MRPL12: variants seen among roughly 807,000 people sequenced by gnomAD.
MRPL12 encodes the protein mitochondrial ribosomal protein L12, also known as large ribosomal subunit protein bL12m.
A neutral mutation model predicts 21.1 loss-of-function variants in MRPL12; 13 were observed. That is an observed-to-expected ratio of 0.62 (90% CI 0.40 to 0.98). The LOEUF (loss-of-function observed/expected upper bound fraction) is 0.98, where lower values mean the gene tolerates loss of function less well. Ranked by LOEUF, MRPL12 falls within the 50% of genes least tolerant of loss-of-function variation. MRPL12 has a pLI of 0.00. For missense variants in MRPL12, 251 were observed against 268.6 expected (o/e 0.93, Z 0.46); for synonymous variants, 126 against 115.3 (o/e 1.09, Z -0.60).
chr17:81,706,922 T>A lies in MRPL12; in HGVS notation c.362T>A (p.Ile121Asn). 3 of 1,613,860 alleles carry A rather than the reference T, an allele frequency of 1.9e-6. No homozygotes were observed. The highest frequency in any genetic ancestry group is 2.5e-6 in the Non-Finnish European group (3 of 1,180,002). Residue 121 changes from isoleucine to asparagine, a missense_variant, in exon 4 of 5, where the codon ATC becomes AAC. By Grantham distance (149) the Ile-to-Asn change is moderately radical (BLOSUM62 -3). Coordinates refer to ENST00000333676, the MANE Select transcript of MRPL12 (RefSeq NM_002949.4). ...CTCCCTAAGGCGGTGGAAGAAGATATCCCCATAGCGAAAGAACGGACACAT... is the reference window on the plus strand; with the variant it reads ...CTCCCTAAGGCGGTGGAAGAAGATAACCCCATAGCGAAAGAACGGACACAT... Reference protein sequence around the residue: ...AAAQEAVEEDIPIAKERTHFT... With the variant: ...AAAQEAVEEDNPIAKERTHFT...
Position 81,707,380 on chromosome 17 carries a change from C to T in MRPL12, c.*140C>T, listed in dbSNP as rs926583352. ...AATTGCCTGCGCCACGCAGCGGGGCCGGACAGGCCGCACAGACCTACTGTG... is the reference window on the plus strand; with the variant it reads ...AATTGCCTGCGCCACGCAGCGGGGCTGGACAGGCCGCACAGACCTACTGTG... On this transcript the variant is annotated 3_prime_UTR_variant, in exon 5 of 5. Transcript: ENST00000333676. The T allele has an allele frequency of 1.7e-5, 14 of 830,122 alleles. No individual in the cohort carries two copies. Among genetic ancestry groups the T allele is most frequent in the Middle Eastern group, 3.7e-4 (1 of 2,698 alleles). The allele number at this position is 830,122 out of a possible 1,614,324, so 51.4% of individuals were successfully genotyped here. A position where few individuals can be genotyped will look rare whatever the true frequency, so the allele number is the denominator to read the frequency against.
At chr17:81,706,687 C>CA (rs1478014218) in intron 3 of MRPL12, among the ~76,000 whole-genome samples, 3 of 152,062 alleles carry the variant, frequency 2.0e-5, no homozygotes, top group South Asian at 4.2e-4. Context: ...GCCTGGATGA[C>CA]AGAGTGAGAC....
chr17:81,705,861 C>T (rs573856078), intron 3 of MRPL12, among the ~76,000 whole-genome samples: 51 of 152,346 alleles, frequency 3.3e-4, no homozygotes, highest in African/African-American at 1.1e-3. Context: ...CAGCATCACT[C>T]ATGCCTGAGA....
Position 81,707,028 on chromosome 17 carries a change from C to T in MRPL12, c.468C>T (p.Ile156=). 16 of 1,614,106 alleles carry T rather than the reference C, an allele frequency of 9.9e-6. No individual in the cohort carries two copies. Among genetic ancestry groups the T allele is most frequent in the Non-Finnish European group, 1.4e-5 (16 of 1,180,046 alleles). ...IKEIKNYIQG[I]NLVQAKKLVE... ...AAATCAAGAACTACATCCAAGGCAT[C>T]AACCTCGTCCAGGTCTGTGCCGCGG... is the stretch of plus-strand genomic sequence containing the variant. The change falls in exon 4 of 5, where the codon ATC becomes ATT. Residue 156 remains isoleucine, a synonymous_variant. Coordinates refer to ENST00000333676, the MANE Select transcript of MRPL12 (RefSeq NM_002949.4).
At chr17:81,705,128 A>T (rs2037300857) in intron 3 of MRPL12, among the ~76,000 whole-genome samples, 1 of 152,158 alleles carries the variant, frequency 6.6e-6, no homozygotes, top group South Asian at 2.1e-4. Context: ...CTGTAATCCC[A>T]GCTACTCGGG....
intron 3 of MRPL12, among the ~76,000 whole-genome samples, chr17:81,705,555 C>T (rs533158666): frequency 4.1e-4 from 62 of 152,242 alleles, no homozygotes; most frequent in African/African-American, 1.4e-3. Context: ...GAAGAGAGCA[C>T]GGCCTTCCTG....
Position 81,704,235 on chromosome 17 carries a change from G to A in MRPL12, c.75-9G>A. The A allele has an allele frequency of 6.3e-7, 1 of 1,599,310 alleles. No homozygotes were observed. Among genetic ancestry groups the A allele is most frequent in the Non-Finnish European group, 8.5e-7 (1 of 1,172,940 alleles). ...TGACAAGTCTGTTTTAATTGGGGGT[G>A]GGGGCTAGGCGACAGGTGCCATGTG... On this transcript the variant is annotated splice_polypyrimidine_tract_variant and intron_variant, in intron 1 of 4. Transcript: ENST00000333676.
In MRPL12 at chr17:81,703,409, C is replaced by T. The variant is rs2037275369; in HGVS notation, c.-93C>T. On this transcript the variant is annotated 5_prime_UTR_variant, in exon 1 of 5. Transcript: ENST00000333676. Reference sequence around the variant, plus strand: ...TGCCCGGCAGCCGTGGCGGCTAGAGCGTTCCTCCCCAGCTCGAATGCCCGG... The same window carrying T: ...TGCCCGGCAGCCGTGGCGGCTAGAGTGTTCCTCCCCAGCTCGAATGCCCGG... The T allele has an allele frequency of 6.4e-6, 7 of 1,088,964 alleles. No homozygotes were observed. The highest frequency in any genetic ancestry group is 8.8e-6 in the Non-Finnish European group (7 of 794,906). The allele number at this position is 1,088,964 out of a possible 1,614,324, so 67.5% of individuals were successfully genotyped here.
intron 2 of MRPL12, 28 bp downstream of exon 2, chr17:81,704,458 G>T: frequency 6.2e-7 from 1 of 1,602,272 alleles, no homozygotes; most frequent in Non-Finnish European, 8.5e-7. Flanking sequence ...CACAGACCCA[G>T]GGGCTGGAAG....
intron 3 of MRPL12, among the ~76,000 whole-genome samples, chr17:81,706,020 G>A (rs993858654): frequency 2.0e-5 from 3 of 152,250 alleles, no homozygotes; most frequent in South Asian, 2.1e-4. Context: ...GTGGGGACAC[G>A]CAGCCCCCTG....
chr17:81,706,833 T>C, intron 3 of MRPL12, 73 bp from the exon 4 acceptor site: 1 of 1,558,714 alleles, frequency 6.4e-7, no homozygotes, highest in South Asian at 1.2e-5. Flanking sequence ...TAGACTGGGG[T>C]GGCCCAGCAG....
In MRPL12 at chr17:81,707,511, C is replaced by T. The variant is rs1227646538; in HGVS notation, c.*271C>T. ...TGGCTGCTGAGAAAAATACACTGTG[C>T]AGCTCAGTGTGTGGAGTGCCGTGCT... On this transcript the variant is annotated 3_prime_UTR_variant, in exon 5 of 5. Transcript: ENST00000333676. 2 of 418,858 alleles carry T rather than the reference C, an allele frequency of 4.8e-6. No homozygotes were observed. Among genetic ancestry groups the T allele is most frequent in the South Asian group, 2.7e-5 (1 of 37,286 alleles). 25.9% of individuals were successfully genotyped at this position (418,858 alleles called of 1,614,324 possible).
chr17:81,703,620 G>T (rs753778301), intron 1 of MRPL12, 45 bp downstream of exon 1: 2 of 1,340,214 alleles, frequency 1.5e-6, no homozygotes, highest in Non-Finnish European at 1.9e-6. Flanking sequence ...GCGGGTTAGG[G>T]GGCAGCCGGG....
chr17:81,707,331 G>C lies in MRPL12; in HGVS notation c.*91G>C. On this transcript the variant is annotated 3_prime_UTR_variant, in exon 5 of 5. Coordinates refer to ENST00000333676, the MANE Select transcript of MRPL12 (RefSeq NM_002949.4). ...TCACTGGCTCCGCCCCCAGCACCAG[G>C]CGCCCAGTGGAGCCGTTTGGGAGAA... 8.0e-7 allele frequency: 1 copy of C among 1,248,696 alleles called. No individual in the cohort carries two copies. Among genetic ancestry groups the C allele is most frequent in the Non-Finnish European group, 1.1e-6 (1 of 900,348 alleles). 77.4% of individuals were successfully genotyped at this position (1,248,696 alleles called of 1,614,324 possible). A position where few individuals can be genotyped will look rare whatever the true frequency, so the allele number is the denominator to read the frequency against.
At chr17:81,703,618 G>A (rs1225128314) in intron 1 of MRPL12, 43 bp downstream of exon 1, 1 of 1,342,320 alleles carries the variant, frequency 7.4e-7, no homozygotes. Context: ...AGGCGGGTTA[G>A]GGGGCAGCCG....
chr17:81,703,617 A>T (rs979317352), intron 1 of MRPL12, 42 bp downstream of exon 1: 1 of 1,349,924 alleles, frequency 7.4e-7, no homozygotes, highest in African/African-American at 1.5e-5. Context: ...CAGGCGGGTT[A>T]GGGGGCAGCC....
chr17:81,703,403 C>T lies in MRPL12; in HGVS notation c.-99C>T, dbSNP rs2037275316. 2.9e-6 allele frequency: 3 copies of T among 1,038,514 alleles called. No homozygotes were observed. The South Asian group carries it at 5.1e-5, about 18-fold the overall frequency. 64.3% of individuals were successfully genotyped at this position (1,038,514 alleles called of 1,614,324 possible). ...CTCGAATGCCCGGCAGCCGTGGCGG[C>T]TAGAGCGTTCCTCCCCAGCTCGAAT... On this transcript the variant is annotated 5_prime_UTR_variant, in exon 1 of 5. Transcript: ENST00000333676.
In MRPL12 at chr17:81,705,080, C is replaced by CA. The variant is rs34148020; in HGVS notation, c.345+377dup. Among the ~76,000 whole-genome samples, 160 of 135,706 alleles carry CA rather than the reference C, an allele frequency of 1.2e-3. 1 individual carries two copies. Among genetic ancestry groups the CA allele is most frequent in the Middle Eastern group, 3.7e-3 (1 of 268 alleles). 89.0% of individuals were successfully genotyped at this position (135,706 alleles called of 152,430 possible). A position where few individuals can be genotyped will look rare whatever the true frequency, so the allele number is the denominator to read the frequency against. On this transcript the variant is annotated intron_variant, in intron 3 of 4. Transcript: ENST00000333676. ...TAAAACCCCGTCTCTACTAAAAATA[C>CA]AAAAAAAAAAAAATTAGCTGGGCCT...
rs1366508237 is a variant in MRPL12, at chr17:81,703,487, C to A, written c.-15C>A. The A allele has an allele frequency of 2.0e-6, 3 of 1,487,652 alleles. No individual in the cohort carries two copies. The highest frequency in any genetic ancestry group is 2.7e-6 in the Non-Finnish European group (3 of 1,124,954). The allele number at this position is 1,487,652 out of a possible 1,614,324, so 92.2% of individuals were successfully genotyped here. A position where few individuals can be genotyped will look rare whatever the true frequency, so the allele number is the denominator to read the frequency against. ...CTCCCGGGGAACCGCGTGTGACCTT[C>A]CAGCCCGCGGACCGATGCTGCCGGC... On this transcript the variant is annotated 5_prime_UTR_variant, in exon 1 of 5. Transcript: ENST00000333676.
Sources: gnomAD v4.1 joint callset for allele counts (sites outside exome capture counted in the v4.1 genomes callset) on GRCh38, gnomAD v4.1.1 for gene constraint, MANE v1.5 for transcripts, NCBI Gene and HGNC (gene_info 2026-07-23, HGNC 2026-07-21) for gene names.